Variants in SIN3B observed in about 807,000 individuals in gnomAD.
SIN3B encodes paired amphipathic helix protein Sin3b.
Under a neutral mutation model 120.2 loss-of-function variants are expected in SIN3B, and 19 were observed. The ratio of observed to expected loss-of-function variants is 0.16; its 90% CI spans 0.11 to 0.23. The LOEUF is 0.23. SIN3B is among the 10% of genes least tolerant of loss of function. The pLI, the probability that SIN3B is intolerant of heterozygous loss-of-function variation, is 1.00. For synonymous variants in SIN3B, 654 were observed against 653.2 expected (o/e 1.00, Z -0.02); for missense variants, 1,073 against 1,573.0 (o/e 0.68, Z 5.38).
chr19:16,871,153 C>G (rs1322512951), intron 13 of SIN3B, 76 bp from the exon 14 acceptor site: 3 of 1,582,828 alleles, frequency 1.9e-6, no homozygotes, highest in Admixed American at 1.7e-5. Flanking sequence ...TGTTGGGGCT[C>G]TGTCATGCCA....
At position 16,878,739 on chromosome 19, in the gene SIN3B, G is replaced by A; in HGVS notation, c.*12G>A. The A allele has an allele frequency of 6.3e-7, 1 of 1,582,036 alleles. No homozygotes were observed. The highest frequency in any genetic ancestry group is 1.3e-5 in the African/African-American group (1 of 74,314). The stretch of plus-strand genomic sequence containing the variant: ...CGGCCTCGCCCTGACCCGCCCTCAT[G>A]GGCACCGGGCAGGCGCCTCACAGAG... On this transcript the variant is annotated 3_prime_UTR_variant, in exon 19 of 19. Coordinates refer to ENST00000248054, the MANE Select transcript of SIN3B (RefSeq NM_001297595.2).
chr19:16,859,984 G>C (rs1971664894), intron 8 of SIN3B, among the ~76,000 whole-genome samples: 1 of 152,196 alleles, frequency 6.6e-6, no homozygotes, highest in South Asian at 2.1e-4. Context: ...GGAGGTTAGA[G>C]GGGAAGACAG....
intron 12 of SIN3B, among the ~76,000 whole-genome samples, chr19:16,868,922 G>T (rs148762696): frequency 1.3e-5 from 2 of 152,124 alleles, no homozygotes; most frequent in African/African-American, 2.4e-5. Context: ...GTGAGCAGTT[G>T]CAGGCCTTCC....
At chr19:16,835,495 CTTTT>C (rs35239779) in intron 3 of SIN3B, among the ~76,000 whole-genome samples, 3 of 136,302 alleles carry the variant, frequency 2.2e-5, no homozygotes, top group African/African-American at 2.7e-5. Flanking sequence ...TCCCAAAGTT[CTTTT>C]TTTTTTTTTT....
In SIN3B at chr19:16,866,584, G is replaced by A. The variant is rs775036535; in HGVS notation, c.1806+28G>A. 102 of 1,608,628 alleles carry A rather than the reference G, an allele frequency of 6.3e-5. No homozygotes were observed. The Middle Eastern group carries it at 6.6e-4, about 10-fold the overall frequency. On this transcript the variant is annotated intron_variant, in intron 12 of 18. Transcript: ENST00000248054. ...AAAGCCTTCCCTAGCCCTGCCGGCC[G>A]GTGGGGGTGGGGTCCTGGCTCTCCC...
intron 3 of SIN3B, among the ~76,000 whole-genome samples, chr19:16,835,450 A>G (rs1325636425): frequency 1.3e-5 from 2 of 150,558 alleles, no homozygotes; most frequent in Non-Finnish European, 2.9e-5. Context: ...GCTGGTTTCG[A>G]AATCCCCTGA....
intron 12 of SIN3B, among the ~76,000 whole-genome samples, chr19:16,867,561 A>G (rs548993264): frequency 6.6e-6 from 1 of 152,286 alleles, no homozygotes; most frequent in East Asian, 1.9e-4. Context: ...AGGAGGGCAC[A>G]CTACTCCCCA....
At chr19:16,865,889 CT>C (rs1253316209) in intron 11 of SIN3B, among the ~76,000 whole-genome samples, 9 of 152,224 alleles carry the variant, frequency 5.9e-5, no homozygotes, top group Non-Finnish European at 4.4e-5. Context: ...CATAATACAT[CT>C]AGACATCTAA....
At chr19:16,873,355 C>T (rs1427067334) in intron 14 of SIN3B, among the ~76,000 whole-genome samples, 3 of 152,164 alleles carry the variant, frequency 2.0e-5, no homozygotes, top group Admixed American at 1.3e-4. Context: ...TCCACTTTCC[C>T]TCCGTGTGCC....
At position 16,876,009 on chromosome 19, in the gene SIN3B, C is replaced by G; in HGVS notation, c.2593-46C>G. ...TTCCTCTGTGGGTGAGGTGGGGACTCCCGCAGGAGGCGGGGTGGCCGCACC... is the reference window on the plus strand; with the variant it reads ...TTCCTCTGTGGGTGAGGTGGGGACTGCCGCAGGAGGCGGGGTGGCCGCACC... On this transcript the variant is annotated intron_variant, in intron 14 of 18. Transcript: ENST00000248054. This position sits in a 1 kb window ranked among gnomAD's most constrained non-coding sequence, Gnocchi z 7.1. 6.6e-7 allele frequency: 1 copy of G among 1,518,130 alleles called. No homozygotes were observed. Among genetic ancestry groups the G allele is most frequent in the East Asian group, 2.5e-5 (1 of 40,668 alleles). The allele number at this position is 1,518,130 out of a possible 1,614,324, so 94.0% of individuals were successfully genotyped here. A position where few individuals can be genotyped will look rare whatever the true frequency, so the allele number is the denominator to read the frequency against.
intron 12 of SIN3B, among the ~76,000 whole-genome samples, chr19:16,867,727 G>A (rs1971797033): frequency 1.3e-5 from 2 of 152,128 alleles, no homozygotes; most frequent in South Asian, 2.1e-4. Context: ...CACAGGAGCC[G>A]GGCTGCTGGC....
chr19:16,863,050 G>C lies in SIN3B; in HGVS notation c.1266+491G>C, dbSNP rs543191163. The C allele has an allele frequency of 9.4e-5, 108 of 1,146,972 alleles. 2 individuals carry two copies. The South Asian group carries it at 1.3e-3, about 14-fold the overall frequency. The allele number at this position is 1,146,972 out of a possible 1,614,324, so 71.0% of individuals were successfully genotyped here. ...GTAAATAAAGTTTTACTGTCACACA[G>C]ACACAACCATTCCTTTACATATTGC... On this transcript the variant is annotated intron_variant, in intron 9 of 18. Transcript: ENST00000248054.
chr19:16,869,322 C>T (rs1971823393), intron 12 of SIN3B, 138 bp from the exon 13 acceptor site: 15 of 1,141,256 alleles, frequency 1.3e-5, no homozygotes, highest in Middle Eastern at 3.0e-4. Context: ...GCTGCCTCAC[C>T]GATGTTCGCC....
intron 3 of SIN3B, among the ~76,000 whole-genome samples, chr19:16,832,015 C>T (rs1385241930): frequency 6.6e-6 from 1 of 152,106 alleles, no homozygotes; most frequent in Non-Finnish European, 1.5e-5. Flanking sequence ...AGCATGTCCT[C>T]GTCTGCCTCT....
chr19:16,860,868 C>T (rs918953814), intron 8 of SIN3B, among the ~76,000 whole-genome samples: 1 of 152,054 alleles, frequency 6.6e-6, no homozygotes, highest in Non-Finnish European at 1.5e-5. Flanking sequence ...TCTGGGATTA[C>T]AAGCATGAGC....
intron 7 of SIN3B, among the ~76,000 whole-genome samples, chr19:16,853,924 G>C (rs1488276684): frequency 4.6e-5 from 7 of 151,270 alleles, no homozygotes; most frequent in Non-Finnish European, 1.0e-4. Flanking sequence ...CACAGATTAT[G>C]TGCACGGGCT....
Position 16,856,199 on chromosome 19 carries a change from C to G in SIN3B, c.1058+1938C>G, listed in dbSNP as rs538090274. On this transcript the variant is annotated intron_variant, in intron 8 of 18. Coordinates refer to ENST00000248054, the MANE Select transcript of SIN3B (RefSeq NM_001297595.2). ...GGGACTGAGTGGAGGGGCCTGGAAACAACTGCGCACACTCGTATCCATTCT... is the reference window on the plus strand; with the variant it reads ...GGGACTGAGTGGAGGGGCCTGGAAAGAACTGCGCACACTCGTATCCATTCT... Among the ~76,000 whole-genome samples the G allele has an allele frequency of 9.9e-5, 15 of 152,280 alleles. No individual in the cohort carries two copies. The South Asian group carries it at 1.9e-3, about 19-fold the overall frequency.
At position 16,878,240 on chromosome 19, in the gene SIN3B, T is replaced by A; in HGVS notation, c.3012T>A (p.Gly1004=). 1 of 1,599,400 alleles carries A rather than the reference T, an allele frequency of 6.3e-7. No individual in the cohort carries two copies. The highest frequency in any genetic ancestry group is 1.7e-5 in the Admixed American group (1 of 58,226). The change falls in exon 18 of 19, where the codon GGT becomes GGA. Residue 1004 remains glycine (G), a synonymous_variant. Coordinates refer to ENST00000248054, the MANE Select transcript of SIN3B (RefSeq NM_001297595.2). ...GCGAGCAGGCGCGGGCCCTGCGCGG[T>A]GAGGCCAGGAGCTCCTGGAAGCGGC... The part of the protein sequence containing the change: ...WQSEQARALR[G]EARSSWKRLV...
Position 16,829,790 on chromosome 19 carries a change from G to A in SIN3B, c.121-1G>A. On this transcript the variant is annotated splice_acceptor_variant, in intron 1 of 18. Transcript: ENST00000248054. LOFTEE classifies it high-confidence loss of function. ...CACCGGGACCCTCCCCCTCTCTGCAGGTAGAAGACGCCCTCACCTATCTGG... is the reference window on the plus strand; with the variant it reads ...CACCGGGACCCTCCCCCTCTCTGCAAGTAGAAGACGCCCTCACCTATCTGG... The A allele has an allele frequency of 6.2e-7, 1 of 1,611,724 alleles. No homozygotes were observed. The highest frequency in any genetic ancestry group is 8.5e-7 in the Non-Finnish European group (1 of 1,178,200).
Sources: gnomAD v4.1 joint callset for allele counts (sites outside exome capture counted in the v4.1 genomes callset) on GRCh38, gnomAD v4.1.1 for gene constraint, Gnocchi (gnomAD v3.1) non-coding constraint, MANE v1.5 for transcripts, NCBI Gene and HGNC (gene_info 2026-07-23, HGNC 2026-07-21) for gene names.